Variants in DCC observed in about 807,000 individuals in gnomAD.
DCC encodes DCC netrin 1 receptor.
DCC carries 58 observed loss-of-function variants against 172.5 expected under a neutral mutation model. The ratio of observed to expected loss-of-function variants is 0.34; its 90% CI spans 0.27 to 0.42. DCC has a LOEUF of 0.42. Among genes scored for constraint, DCC ranks in the 10% least tolerant of loss-of-function variants. The pLI, the probability that DCC is intolerant of heterozygous loss-of-function variation, is 1.00. For missense variants in DCC, 1,740 were observed against 1,791.0 expected (o/e 0.97, Z 0.51); for synonymous variants, 709 against 644.5 (o/e 1.10, Z -1.52).
At chr18:52,656,473 T>C (rs534874717) in intron 1 of DCC, among the ~76,000 whole-genome samples, 1 of 152,302 alleles carries the variant, frequency 6.6e-6, no homozygotes, top group African/African-American at 2.4e-5. Flanking sequence ...AGCCACTCAG[T>C]CTATGGTATC....
chr18:52,834,451 C>CT (rs1221010019), intron 2 of DCC, among the ~76,000 whole-genome samples: 3 of 152,158 alleles, frequency 2.0e-5, no homozygotes, highest in African/African-American at 7.2e-5. Context: ...CACAAGTCCT[C>CT]TGGGTGAGTC....
chr18:52,757,090 T>C (rs1014183774), intron 2 of DCC: 1 of 152,322 alleles, frequency 6.6e-6, no homozygotes, highest in Non-Finnish European at 1.5e-5. Flanking sequence ...GTTAAATCTA[T>C]GGGAGATTTT....
chr18:52,556,018 C>T (rs1468514914), intron 1 of DCC, among the ~76,000 whole-genome samples: 2 of 152,102 alleles, frequency 1.3e-5, no homozygotes, highest in Non-Finnish European at 2.9e-5. Flanking sequence ...CCATTGGTGT[C>T]TATCCTTTTA....
At chr18:52,544,588 C>A (rs1484450689) in intron 1 of DCC, among the ~76,000 whole-genome samples, 1 of 152,086 alleles carries the variant, frequency 6.6e-6, no homozygotes, top group Non-Finnish European at 1.5e-5. Context: ...AGTTCACACC[C>A]CCAGTTCTTG....
intron 1 of DCC, among the ~76,000 whole-genome samples, chr18:52,433,465 T>C (rs1295464635): frequency 6.6e-6 from 1 of 152,184 alleles, no homozygotes; most frequent in Non-Finnish European, 1.5e-5. Flanking sequence ...CAGTGCTCTT[T>C]ATAATACATC....
intron 12 of DCC, among the ~76,000 whole-genome samples, chr18:53,272,332 A>G (rs2056758577): frequency 1.3e-5 from 2 of 152,294 alleles, no homozygotes; most frequent in South Asian, 4.1e-4. Context: ...TGAGAAAACA[A>G]CAGAATATAC....
Position 52,925,350 on chromosome 18 carries a change from C to G in DCC, c.965C>G (p.Ser322Cys), listed in dbSNP as rs148976446. The G allele has an allele frequency of 2.8e-5, 45 of 1,612,328 alleles. No individual in the cohort carries two copies. The highest frequency in any genetic ancestry group is 3.6e-5 in the Non-Finnish European group (43 of 1,178,780). ...TATAAAAATGAGAATATTAGTGCCT[C>G]TGCAGAGCTCACAGTCTTGGGTAAG... ...VTYKNENISA[S>C]AELTVLVPPW... Residue 322 changes from serine (S) to cysteine (C), a missense_variant, in exon 5 of 29, where the codon TCT becomes TGT. Transcript: ENST00000442544.
At chr18:53,420,001 G>T (rs979899968) in intron 21 of DCC, among the ~76,000 whole-genome samples, 1 of 151,862 alleles carries the variant, frequency 6.6e-6, no homozygotes, top group Non-Finnish European at 1.5e-5. Context: ...TTACAAGTGC[G>T]TGCCACCACA....
At chr18:52,511,402 C>A (rs2031434769) in intron 1 of DCC, among the ~76,000 whole-genome samples, 1 of 152,010 alleles carries the variant, frequency 6.6e-6, no homozygotes. Flanking sequence ...TAAATAGTCT[C>A]TCATTTAGTA....
At chr18:53,174,438 TAAAG>T (rs937579144) in intron 8 of DCC, among the ~76,000 whole-genome samples, 11 of 148,250 alleles carry the variant, frequency 7.4e-5, no homozygotes, top group Non-Finnish European at 1.5e-4. Context: ...GCAAGACTAA[TAAAG>T]AAAAAAAGAG....
intron 3 of DCC, among the ~76,000 whole-genome samples, chr18:52,921,872 G>A (rs1568188340): frequency 6.6e-6 from 1 of 151,772 alleles, no homozygotes; most frequent in Non-Finnish European, 1.5e-5. Context: ...GAACGGTATT[G>A]TATAGTGTAA....
At chr18:52,857,430 T>C (rs1488988404) in intron 2 of DCC, among the ~76,000 whole-genome samples, 1 of 152,182 alleles carries the variant, frequency 6.6e-6, no homozygotes, top group East Asian at 1.9e-4. Flanking sequence ...GTAGAAAATA[T>C]GATGCATATT....
chr18:53,463,290 G>C (rs1041902753), intron 24 of DCC, among the ~76,000 whole-genome samples: 1 of 152,112 alleles, frequency 6.6e-6, no homozygotes, highest in African/African-American at 2.4e-5. Flanking sequence ...CCTGGGGGAA[G>C]GTTTAATCCC....
intron 26 of DCC, among the ~76,000 whole-genome samples, chr18:53,497,590 A>G (rs2046040045): frequency 1.3e-5 from 2 of 152,220 alleles, no homozygotes; most frequent in Non-Finnish European, 2.9e-5. Flanking sequence ...AAACCTGAGT[A>G]ATTTTCATTG....
At chr18:53,039,382 A>G (rs1213209757) in intron 5 of DCC, among the ~76,000 whole-genome samples, 2 of 152,088 alleles carry the variant, frequency 1.3e-5, no homozygotes, top group Admixed American at 6.6e-5. Context: ...TGTGAATTAC[A>G]AAACTCCATC....
chr18:53,190,455 A>ACT (rs1415657597), intron 9 of DCC, among the ~76,000 whole-genome samples: 1 of 103,628 alleles, frequency 9.6e-6, no homozygotes, highest in Non-Finnish European at 1.9e-5. Flanking sequence ...TACACTGCTA[A>ACT]CTCTGTGTGT....
At chr18:52,796,875 T>G (rs1381690285) in intron 2 of DCC, among the ~76,000 whole-genome samples, 1 of 152,154 alleles carries the variant, frequency 6.6e-6, no homozygotes, top group Non-Finnish European at 1.5e-5. Context: ...ACTTGGGAAG[T>G]TTTTAGCTAT....
intron 1 of DCC, among the ~76,000 whole-genome samples, chr18:52,344,160 T>A (rs1983780086): frequency 6.6e-6 from 1 of 152,256 alleles, no homozygotes; most frequent in Non-Finnish European, 1.5e-5. Context: ...AAATTTATTC[T>A]CTGGCAAGTT....
At chr18:52,680,216 T>C (rs1385966307) in intron 1 of DCC, among the ~76,000 whole-genome samples, 1 of 152,064 alleles carries the variant, frequency 6.6e-6, no homozygotes, top group African/African-American at 2.4e-5. Context: ...AATTACATTA[T>C]GGCAAACTTT....
Sources: gnomAD v4.1 joint callset for allele counts (sites outside exome capture counted in the v4.1 genomes callset) on GRCh38, gnomAD v4.1.1 for gene constraint, MANE v1.5 for transcripts, NCBI Gene and HGNC (gene_info 2026-07-23, HGNC 2026-07-21) for gene names.